FSTL5: variants seen among roughly 807,000 people sequenced by gnomAD.
FSTL5 encodes follistatin-related protein 5.
In FSTL5, 62 loss-of-function variants were observed where a neutral mutation model predicts 89.1. The ratio of observed to expected loss-of-function variants is 0.70; its 90% confidence interval spans 0.57 to 0.86. The LOEUF (loss-of-function observed/expected upper bound fraction) is 0.86, where lower values mean the gene tolerates loss of function less well. Ranked by LOEUF, FSTL5 falls within the 40% of genes least tolerant of loss-of-function variation. The pLI is 0.00. For missense variants in FSTL5, 1,057 were observed against 1,001.6 expected (o/e 1.06, Z -0.75); for synonymous variants, 383 against 346.2 (o/e 1.11, Z -1.18).
chr4:161,802,410 A>G (rs1016816399), intron 4 of FSTL5, among the ~76,000 whole-genome samples: 3 of 151,736 alleles, frequency 2.0e-5, no homozygotes, highest in African/African-American at 7.2e-5. Flanking sequence ...TCCAGAGGAC[A>G]CTGGCAAATG....
At chr4:161,878,958 G>C (rs1270718170) in intron 4 of FSTL5, among the ~76,000 whole-genome samples, 1 of 151,922 alleles carries the variant, frequency 6.6e-6, no homozygotes, top group Non-Finnish European at 1.5e-5. Flanking sequence ...CTCAATTTTT[G>C]TCTGCAATTA....
intron 15 of FSTL5, among the ~76,000 whole-genome samples, chr4:161,432,530 T>C (rs766526033): frequency 1.6e-4 from 24 of 151,812 alleles, no homozygotes; most frequent in Non-Finnish European, 3.1e-4. Context: ...TGATGCATCT[T>C]AAAGAACTAG....
intron 4 of FSTL5, among the ~76,000 whole-genome samples, chr4:161,890,121 A>C (rs1173747819): frequency 1.3e-5 from 2 of 152,156 alleles, no homozygotes; most frequent in African/African-American, 4.8e-5. Flanking sequence ...TGTGTCAGTG[A>C]ATGTAAATGA....
chr4:161,492,748 C>T (rs1185874779), intron 12 of FSTL5, among the ~76,000 whole-genome samples: 3 of 151,848 alleles, frequency 2.0e-5, no homozygotes, highest in East Asian at 1.9e-4. Context: ...ACTTAAAATA[C>T]GAATGATAAT....
chr4:162,158,344 A>G (rs1733563763), intron 1 of FSTL5, among the ~76,000 whole-genome samples: 1 of 152,124 alleles, frequency 6.6e-6, no homozygotes, highest in Non-Finnish European at 1.5e-5. Context: ...CAATTAATGT[A>G]GCATCTTTAT....
intron 3 of FSTL5, among the ~76,000 whole-genome samples, chr4:161,943,835 G>C (rs1408437070): frequency 6.6e-6 from 1 of 151,944 alleles, no homozygotes; most frequent in East Asian, 1.9e-4. Flanking sequence ...GATAACAGGC[G>C]TGAGCCACTG....
chr4:161,593,028 GT>G (rs373976242), intron 7 of FSTL5, among the ~76,000 whole-genome samples: 1 of 152,100 alleles, frequency 6.6e-6, no homozygotes, highest in Non-Finnish European at 1.5e-5. Flanking sequence ...CCTTCTAAGA[GT>G]TTTTTGTTCC....
chr4:161,635,456 C>T (rs748876396), intron 7 of FSTL5, among the ~76,000 whole-genome samples: 2 of 149,760 alleles, frequency 1.3e-5, no homozygotes, highest in African/African-American at 2.5e-5. Context: ...AAATTAGCTT[C>T]GTTTTTGATG....
At chr4:161,756,950 G>A (rs1740590810) in intron 6 of FSTL5, among the ~76,000 whole-genome samples, 1 of 152,126 alleles carries the variant, frequency 6.6e-6, no homozygotes, top group Admixed American at 6.6e-5. Flanking sequence ...ACTTCTGTTA[G>A]TCAAGTCTAT....
intron 13 of FSTL5, among the ~76,000 whole-genome samples, chr4:161,464,622 TGTTTA>T (rs1302382118): frequency 6.6e-6 from 1 of 152,204 alleles, no homozygotes; most frequent in African/African-American, 2.4e-5. Flanking sequence ...TTTTTGTGTT[TGTTTA>T]GGTCAATGAA....
chr4:161,984,945 A>G (rs1004174074), intron 3 of FSTL5, among the ~76,000 whole-genome samples: 1 of 151,296 alleles, frequency 6.6e-6, no homozygotes, highest in African/African-American at 2.4e-5. Context: ...TCTCTCGAAC[A>G]TATTATCTGA....
chr4:161,424,090 G>A (rs1732089916), intron 15 of FSTL5, among the ~76,000 whole-genome samples: 2 of 140,914 alleles, frequency 1.4e-5, no homozygotes, highest in Middle Eastern at 4.1e-3. Flanking sequence ...TGTTGGCCAG[G>A]ATGGTCTCGA....
chr4:161,403,305 G>T (rs78884870), intron 15 of FSTL5, among the ~76,000 whole-genome samples: 8,696 of 151,718 alleles, frequency 0.057, 551 homozygotes, highest in East Asian at 0.24. Context: ...CACCATTTTT[G>T]TGTGTGTGTG....
intron 8 of FSTL5, among the ~76,000 whole-genome samples, chr4:161,575,610 C>A (rs542923621): frequency 1.3e-5 from 2 of 152,076 alleles, no homozygotes; most frequent in South Asian, 4.2e-4. Context: ...CCTGCTACTG[C>A]GCCTGGCTAA....
rs1733799164 is a variant in FSTL5 at position 162,163,988 on chromosome 4, T to G, written c.-390A>C. On this transcript the variant is annotated 5_prime_UTR_variant, in exon 1 of 16. Coordinates refer to ENST00000306100, the MANE Select transcript of FSTL5 (RefSeq NM_020116.5). ...GTACCAGCTCCTTTCACCTCCAGTT[T>G]GTCTCAGTCACTGAACCAGGCTGAT... 6.6e-6 allele frequency: 1 copy of G among 152,394 alleles called. No individual in the cohort carries two copies. The highest frequency in any genetic ancestry group is 1.5e-5 in the Non-Finnish European group (1 of 68,212). 9.4% of individuals were successfully genotyped at this position (152,394 alleles called of 1,614,324 possible).
intron 2 of FSTL5, among the ~76,000 whole-genome samples, chr4:162,105,228 G>A (rs1420601772): frequency 6.6e-6 from 1 of 151,778 alleles, no homozygotes; most frequent in Non-Finnish European, 1.5e-5. Flanking sequence ...GTGCTTGTGT[G>A]GTGAGAACAC....
Position 161,680,650 on chromosome 4 carries a change from GT to G in FSTL5, c.728-24157del, listed in dbSNP as rs138198269. On this transcript the variant is annotated intron_variant, in intron 6 of 15. Coordinates refer to ENST00000306100, the MANE Select transcript of FSTL5 (RefSeq NM_020116.5). ...AGATTAGAGTTTGCTCTTATTTTGT[GT>G]TTTTTTTTATTTCTATTACATAAGG... Among the ~76,000 whole-genome samples, 934 of 149,694 alleles carry G rather than the reference GT, an allele frequency of 6.2e-3. 12 individuals carry two copies. Among genetic ancestry groups the G allele is most frequent in the South Asian group, 0.046 (218 of 4,768 alleles).
At chr4:161,683,939 T>C (rs1414042973) in intron 6 of FSTL5, among the ~76,000 whole-genome samples, 1 of 152,168 alleles carries the variant, frequency 6.6e-6, no homozygotes, top group African/African-American at 2.4e-5. Flanking sequence ...CATTGTGTCA[T>C]TCTTATGCCT....
intron 1 of FSTL5, among the ~76,000 whole-genome samples, chr4:162,119,031 G>A (rs146016852): frequency 3.1e-4 from 47 of 152,160 alleles, no homozygotes; most frequent in East Asian, 2.5e-3. Context: ...AGACCAGACT[G>A]GGCAATATAG....
Sources: gnomAD v4.1 joint callset for allele counts (sites outside exome capture counted in the v4.1 genomes callset) on GRCh38, gnomAD v4.1.1 for gene constraint, MANE v1.5 for transcripts, NCBI Gene and HGNC (gene_info 2026-07-23, HGNC 2026-07-21) for gene names.